The following CLYBL variants were observed in gnomAD, a reference collection of about 807,000 sequenced individuals.
CLYBL encodes the protein citramalyl-CoA lyase, also known as citramalyl-CoA lyase, mitochondrial.
A neutral mutation model predicts 38.9 loss-of-function variants in CLYBL; 31 were observed. That is an observed-to-expected ratio of 0.80 (90% confidence interval 0.60 to 1.08). CLYBL has a LOEUF of 1.08. Among genes scored for constraint, CLYBL ranks in the 50% least tolerant of loss-of-function variants. The pLI is 0.00. For synonymous variants in CLYBL, 171 were observed against 158.6 expected (o/e 1.08, Z -0.59); for missense variants, 434 against 411.6 (o/e 1.05, Z -0.47).
chr13:99,824,257 G>GCCCCCCCCCCCCCCCCC (rs57450534), intron 2 of CLYBL, among the ~76,000 whole-genome samples: 192 of 130,318 alleles, frequency 1.5e-3, no homozygotes, highest in Non-Finnish European at 1.6e-3. Context: ...CTGACTAATA[G>GCCCCCCCCCCCCCCCCC]CCCCCCCCAC....
chr13:99,784,415 T>TTTTTG (rs1303557940), intron 2 of CLYBL, among the ~76,000 whole-genome samples: 1 of 151,754 alleles, frequency 6.6e-6, no homozygotes, highest in East Asian at 1.9e-4. Flanking sequence ...AACCTATTGC[T>TTTTTG]TTTTGTTATT....
chr13:99,714,099 A>C (rs1328157515), intron 1 of CLYBL, among the ~76,000 whole-genome samples: 1 of 151,834 alleles, frequency 6.6e-6, no homozygotes, highest in Non-Finnish European at 1.5e-5. Flanking sequence ...GCAATCCTCT[A>C]CCTCAGCCTA....
chr13:99,844,595 T>G (rs9585242), intron 2 of CLYBL, among the ~76,000 whole-genome samples: 4,673 of 152,312 alleles, frequency 0.031, 238 homozygotes, highest in African/African-American at 0.11. Context: ...GCAGTCGTGT[T>G]TGCTAAGCTT....
intron 1 of CLYBL, among the ~76,000 whole-genome samples, chr13:99,733,492 C>T (rs1162916803): frequency 6.6e-6 from 1 of 152,194 alleles, no homozygotes; most frequent in Non-Finnish European, 1.5e-5. Flanking sequence ...TTATCTTGTG[C>T]ACCACCAGTA....
At chr13:99,652,479 G>A (rs532212031) in intron 1 of CLYBL, among the ~76,000 whole-genome samples, 2 of 152,190 alleles carry the variant, frequency 1.3e-5, no homozygotes, top group East Asian at 1.9e-4. Context: ...AGGCTGAAGC[G>A]GGTGGATCAC....
intron 9 of CLYBL, among the ~76,000 whole-genome samples, chr13:99,905,714 T>C (rs2052689691): frequency 1.2e-5 from 1 of 82,180 alleles, no homozygotes; most frequent in African/African-American, 4.2e-5. Flanking sequence ...TTTTGGTTGT[T>C]GTTTTTGCTT....
At chr13:99,819,898 G>A (rs989859074) in intron 2 of CLYBL, among the ~76,000 whole-genome samples, 27 of 152,102 alleles carry the variant, frequency 1.8e-4, no homozygotes, top group African/African-American at 6.0e-4. Context: ...ACCCTCACAG[G>A]TATACCTAGG....
chr13:99,792,746 G>A (rs2049943566), intron 2 of CLYBL, among the ~76,000 whole-genome samples: 1 of 152,054 alleles, frequency 6.6e-6, no homozygotes, highest in Admixed American at 6.5e-5. Context: ...CCCTTCCTAA[G>A]TGCCTCTTCC....
chr13:99,616,945 G>A (rs1396265409), intron 1 of CLYBL, among the ~76,000 whole-genome samples: 7 of 151,800 alleles, frequency 4.6e-5, no homozygotes, highest in Non-Finnish European at 8.8e-5. Flanking sequence ...GACAGAGCGC[G>A]ACTCCGTCTC....
chr13:99,900,679 A>G (rs1041404040), downstream of CLYBL, among the ~76,000 whole-genome samples: 1 of 152,038 alleles, frequency 6.6e-6, no homozygotes, highest in African/African-American at 2.4e-5. Flanking sequence ...CCACTAAACC[A>G]CACAGCTTCC....
chr13:99,730,443 T>C (rs1019717816), intron 1 of CLYBL, among the ~76,000 whole-genome samples: 4 of 148,352 alleles, frequency 2.7e-5, no homozygotes, highest in African/African-American at 9.7e-5. Flanking sequence ...GCGTCCTGGC[T>C]GACTGGCCTC....
rs368608266 is a variant in CLYBL at position 99,671,796 on chromosome 13, T to TA, written c.62+65041dup. ...CTCTTTCTCAAAAAAAAAAAAAAAATAATAAAAGCTACTGCAAAAGTCCTC... is the reference window on the plus strand; with the variant it reads ...CTCTTTCTCAAAAAAAAAAAAAAAATAAATAAAAGCTACTGCAAAAGTCCTC... On this transcript the variant is annotated intron_variant, in intron 1 of 8. Transcript: ENST00000339105. Among the ~76,000 whole-genome samples the TA allele has an allele frequency of 2.0e-3, 281 of 139,158 alleles. 2 individuals are homozygous for TA. The highest frequency in any genetic ancestry group is 7.3e-3 in the African/African-American group (261 of 35,628). 91.3% of individuals were successfully genotyped at this position (139,158 alleles called of 152,430 possible).
chr13:99,753,667 T>C (rs956720717), intron 1 of CLYBL, among the ~76,000 whole-genome samples: 1 of 152,222 alleles, frequency 6.6e-6, no homozygotes, highest in Non-Finnish European at 1.5e-5. Context: ...AGAGTTATTA[T>C]TTTAGTGGCA....
chr13:99,843,481 C>A (rs1054054254), intron 2 of CLYBL, among the ~76,000 whole-genome samples: 1 of 152,102 alleles, frequency 6.6e-6, no homozygotes, highest in Non-Finnish European at 1.5e-5. Context: ...ATATAAGTTC[C>A]ATGTAGGCAG....
chr13:99,850,443 CA>C (rs1465896776), intron 2 of CLYBL, among the ~76,000 whole-genome samples: 1 of 152,182 alleles, frequency 6.6e-6, no homozygotes, highest in Non-Finnish European at 1.5e-5. Flanking sequence ...AAATGCAAAA[CA>C]AAACCCATTG....
At chr13:99,763,805 A>G (rs949282484) in intron 1 of CLYBL, among the ~76,000 whole-genome samples, 18 of 152,048 alleles carry the variant, frequency 1.2e-4, no homozygotes, top group African/African-American at 4.3e-4. Flanking sequence ...TGCCCGCCTT[A>G]GCCTCCCAAA....
chr13:99,810,575 G>A (rs1371346831), intron 2 of CLYBL, among the ~76,000 whole-genome samples: 1 of 152,190 alleles, frequency 6.6e-6, no homozygotes, highest in Non-Finnish European at 1.5e-5. Context: ...TAGAGAGGAA[G>A]GCAGGGGCCT....
chr13:99,832,944 T>C (rs1281494303), intron 2 of CLYBL, among the ~76,000 whole-genome samples: 2 of 143,124 alleles, frequency 1.4e-5, no homozygotes, highest in Admixed American at 7.1e-5. Context: ...AATGGTACAG[T>C]TTAAGAGATT....
rs2048044499 is a variant in CLYBL, at chr13:99,700,281, C to T, written c.63-72543C>T. Among the ~76,000 whole-genome samples the T allele has an allele frequency of 5.3e-5, 8 of 152,162 alleles. No homozygotes were observed. In the South Asian group the frequency reaches 1.7e-3, roughly 32 times the overall value. On this transcript the variant is annotated intron_variant, in intron 1 of 8. Transcript: ENST00000339105. ...TAGCCTGACCAACATGGAGAAACCCCATCTCTACTTAAAATTAGGCGAGCA... is the reference window on the plus strand; with the variant it reads ...TAGCCTGACCAACATGGAGAAACCCTATCTCTACTTAAAATTAGGCGAGCA...
Sources: allele counts gnomAD v4.1 joint callset (sites outside exome capture counted in the v4.1 genomes callset), GRCh38; gene constraint gnomAD v4.1.1; transcripts MANE v1.5; gene names NCBI Gene and HGNC (gene_info 2026-07-23, HGNC 2026-07-21).